ZNF264: variants seen among roughly 807,000 people sequenced by gnomAD.
The protein encoded by ZNF264 is zinc finger protein 264.
Under a neutral mutation model 11.2 loss-of-function variants are expected in ZNF264, and 11 were observed. The observed-to-expected ratio is 0.98, with a 90% CI of 0.62 to 1.63. ZNF264 has a LOEUF of 1.63. Ranked by LOEUF, ZNF264 falls within the 40% of genes most tolerant of loss-of-function variation. The pLI is 0.00. For synonymous variants in ZNF264, 309 were observed against 279.8 expected (o/e 1.10, Z -1.04); for missense variants, 752 against 768.1 (o/e 0.98, Z 0.25).
At chr19:57,203,782 G>A (rs1425114602) in intron 2 of ZNF264, among the ~76,000 whole-genome samples, 2 of 152,056 alleles carry the variant, frequency 1.3e-5, no homozygotes, top group African/African-American at 2.4e-5. Flanking sequence ...TCTCTGCATC[G>A]TCATCACTAC....
In ZNF264 at chr19:57,215,290, T is replaced by C. The variant is rs1423237885; in HGVS notation, c.*2309T>C. 2 of 152,242 alleles carry C rather than the reference T, an allele frequency of 1.3e-5. No homozygotes were observed. The highest frequency in any genetic ancestry group is 4.8e-5 in the African/African-American group (2 of 41,476). The allele number at this position is 152,242 out of a possible 1,614,324, so 9.4% of individuals were successfully genotyped here. On this transcript the variant is annotated 3_prime_UTR_variant, in exon 4 of 4. Transcript: ENST00000263095. ...TTTCTTGTGTAATAAATTTTGATAGTCTGTCCTGTTGAAGGAATATTTCAT... is the reference window on the plus strand; with the variant it reads ...TTTCTTGTGTAATAAATTTTGATAGCCTGTCCTGTTGAAGGAATATTTCAT...
chr19:57,198,391 C>G (rs2087227771), intron 2 of ZNF264, among the ~76,000 whole-genome samples: 1 of 151,936 alleles, frequency 6.6e-6, no homozygotes, highest in African/African-American at 2.4e-5. Context: ...CTAATCTCCA[C>G]AGTCCCTCCA....
intron 3 of ZNF264, among the ~76,000 whole-genome samples, chr19:57,210,371 C>A (rs1034678158): frequency 1.3e-5 from 2 of 152,350 alleles, no homozygotes; most frequent in Admixed American, 6.5e-5. Context: ...AAGCCGTTGT[C>A]AGGTTCACTA....
chr19:57,193,028 G>A (rs2087186579), intron 1 of ZNF264, among the ~76,000 whole-genome samples: 1 of 151,984 alleles, frequency 6.6e-6, no homozygotes, highest in Non-Finnish European at 1.5e-5. Flanking sequence ...ACCATGCCCG[G>A]CCCACAGATA....
In ZNF264 at chr19:57,195,645, C is replaced by T. The variant is rs140366558; in HGVS notation, c.160+1644C>T. Among the ~76,000 whole-genome samples, 398 of 151,938 alleles carry T rather than the reference C, an allele frequency of 2.6e-3. 3 individuals are homozygous for T. The highest frequency in any genetic ancestry group is 6.8e-3 in the Middle Eastern group (2 of 294). On this transcript the variant is annotated intron_variant, in intron 2 of 3. Coordinates refer to ENST00000263095, the MANE Select transcript of ZNF264 (RefSeq NM_003417.5). Reference sequence around the variant, plus strand: ...ACTAAGAGATGCCCTAATGGATCTTCTGTATTCCATGCATACTCTTCCTTA... The same window carrying T: ...ACTAAGAGATGCCCTAATGGATCTTTTGTATTCCATGCATACTCTTCCTTA...
At position 57,191,675 on chromosome 19, in the gene ZNF264, G is replaced by C; in HGVS notation, c.-239G>C. 2.5e-6 allele frequency: 1 copy of C among 394,500 alleles called. No individual in the cohort carries two copies. Among genetic ancestry groups the C allele is most frequent in the Non-Finnish European group, 4.5e-6 (1 of 223,492 alleles). The allele number at this position is 394,500 out of a possible 1,614,324, so 24.4% of individuals were successfully genotyped here. A position where few individuals can be genotyped will look rare whatever the true frequency, so the allele number is the denominator to read the frequency against. ...TGTTCCTGGGTCGCCGTCAAGCTGC[G>C]GTCTCTCCTCCCCCGCCCTTCAGCC... On this transcript the variant is annotated 5_prime_UTR_variant, in exon 1 of 4. Coordinates refer to ENST00000263095, the MANE Select transcript of ZNF264 (RefSeq NM_003417.5).
In ZNF264 at chr19:57,193,368, ATT is replaced by A. The variant is rs540023094; in HGVS notation, c.34-506_34-505del. 62 of 291,312 alleles carry A rather than the reference ATT, an allele frequency of 2.1e-4. 1 individual carries two copies. In the South Asian group the frequency reaches 3.8e-3, roughly 18 times the overall value. 18.0% of individuals were successfully genotyped at this position (291,312 alleles called of 1,614,324 possible). A position where few individuals can be genotyped will look rare whatever the true frequency, so the allele number is the denominator to read the frequency against. On this transcript the variant is annotated intron_variant, in intron 1 of 3. Coordinates refer to ENST00000263095, the MANE Select transcript of ZNF264 (RefSeq NM_003417.5). ...ACAACTGTTACTGGTGGGAAGTGTT[ATT>A]GTATTGATCCAGAAATCAAGGCTCA...
At chr19:57,205,945 C>G (rs777518772) in intron 3 of ZNF264, among the ~76,000 whole-genome samples, 2 of 152,200 alleles carry the variant, frequency 1.3e-5, no homozygotes, top group African/African-American at 4.8e-5. Context: ...TGTGGGTCAG[C>G]GAGGAGCTCT....
At chr19:57,194,263 C>T (rs1469982297) in intron 2 of ZNF264, 4 of 477,868 alleles carry the variant, frequency 8.4e-6, no homozygotes, top group Non-Finnish European at 1.4e-5. Context: ...AGGTAATTTT[C>T]AGCTGTGCCT....
intron 2 of ZNF264, among the ~76,000 whole-genome samples, chr19:57,200,881 G>A (rs2087248145): frequency 6.6e-6 from 1 of 151,672 alleles, no homozygotes; most frequent in South Asian, 2.1e-4. Context: ...CAAAGTGCTG[G>A]GATTACAGGC....
chr19:57,202,693 G>A lies in ZNF264; in HGVS notation c.161-2704G>A, dbSNP rs1422612289. 4.6e-5 allele frequency among the ~76,000 whole-genome samples: 7 copies of A among 151,828 alleles called. 1 individual carries two copies. The highest frequency in any genetic ancestry group is 1.3e-4 in the Admixed American group (2 of 15,260). On this transcript the variant is annotated intron_variant, in intron 2 of 3. Coordinates refer to ENST00000263095, the MANE Select transcript of ZNF264 (RefSeq NM_003417.5). The stretch of plus-strand genomic sequence containing the variant: ...GGCATGGAAGCTCTGTGCCCCTTCC[G>A]CCACACCTTGCCCTAGGAGTCTCTT...
intron 2 of ZNF264, among the ~76,000 whole-genome samples, chr19:57,204,421 T>C (rs2087276622): frequency 6.6e-6 from 1 of 151,920 alleles, no homozygotes; most frequent in Non-Finnish European, 1.5e-5. Flanking sequence ...TCGTGGGAGG[T>C]AATTGAATCA....
chr19:57,198,708 C>T (rs2087230179), intron 2 of ZNF264, among the ~76,000 whole-genome samples: 1 of 151,892 alleles, frequency 6.6e-6, no homozygotes, highest in Admixed American at 6.6e-5. Context: ...TCAGCGTCAG[C>T]TCGGAGCCAG....
intron 3 of ZNF264, among the ~76,000 whole-genome samples, chr19:57,210,888 C>T (rs1568476282): frequency 1.3e-5 from 2 of 152,182 alleles, no homozygotes; most frequent in Non-Finnish European, 2.9e-5. Flanking sequence ...TGGAACTACT[C>T]AGTGTTTACA....
chr19:57,195,029 G>A (rs867910455), intron 2 of ZNF264: 1 of 380,364 alleles, frequency 2.6e-6, no homozygotes, highest in Non-Finnish European at 4.7e-6. Flanking sequence ...GTTAACACAG[G>A]ATGGGAAGCC....
At chr19:57,194,195 T>C in intron 2 of ZNF264, 194 bp downstream of exon 2, 5 of 718,688 alleles carry the variant, frequency 7.0e-6, no homozygotes, top group Non-Finnish European at 8.2e-6. Context: ...AGGGTACTCT[T>C]TGGCTCCCAG....
In ZNF264 at chr19:57,218,711, TC is replaced by T. The variant is rs1465012887; in HGVS notation, c.*5732del. 1 of 152,252 alleles carries T rather than the reference TC, an allele frequency of 6.6e-6. No individual in the cohort carries two copies. Among genetic ancestry groups the T allele is most frequent in the Non-Finnish European group, 1.5e-5 (1 of 68,048 alleles). The allele number at this position is 152,252 out of a possible 1,614,324, so 9.4% of individuals were successfully genotyped here. Reference sequence around the variant, plus strand: ...AATATTGATTAATTTTTATTGACCTTCCATGGTCCTCACTGATTGTTTTCTT... The same window carrying T: ...AATATTGATTAATTTTTATTGACCTTCATGGTCCTCACTGATTGTTTTCTT... On this transcript the variant is annotated 3_prime_UTR_variant, in exon 4 of 4. Transcript: ENST00000263095.
In ZNF264 at chr19:57,213,658, C is replaced by T. The variant is rs950737648; in HGVS notation, c.*677C>T. 6.6e-6 allele frequency: 1 copy of T among 152,118 alleles called. No individual in the cohort carries two copies. The highest frequency in any genetic ancestry group is 2.4e-5 in the African/African-American group (1 of 41,414). The allele number at this position is 152,118 out of a possible 1,614,324, so 9.4% of individuals were successfully genotyped here. ...AATTGAGTAAAGTGATTCTTCTTTG[C>T]TCTTATTTAAAATCGACAGCATTTC... On this transcript the variant is annotated 3_prime_UTR_variant, in exon 4 of 4. Coordinates refer to ENST00000263095, the MANE Select transcript of ZNF264 (RefSeq NM_003417.5).
rs1265176379 is a variant in ZNF264, at chr19:57,193,921, A to AGTG, written c.82_84dup (p.Trp28dup). On this transcript the variant is annotated inframe_insertion, in exon 2 of 4. Coordinates refer to ENST00000263095, the MANE Select transcript of ZNF264 (RefSeq NM_003417.5). ...GTGGCTGTGACTTTCACCAAGGAGG[A>AGTG]GTGGGGGCAGCTGGACCTAGCTCAG... The AGTG allele has an allele frequency of 6.2e-7, 1 of 1,613,968 alleles. No homozygotes were observed. Among genetic ancestry groups the AGTG allele is most frequent in the Non-Finnish European group, 8.5e-7 (1 of 1,179,950 alleles).
Sources: gnomAD v4.1 joint callset for allele counts (sites outside exome capture counted in the v4.1 genomes callset) on GRCh38, gnomAD v4.1.1 for gene constraint, MANE v1.5 for transcripts, NCBI Gene and HGNC (gene_info 2026-07-23, HGNC 2026-07-21) for gene names.